Variants in DBN1 observed in about 807,000 individuals in gnomAD.
DBN1 encodes the protein drebrin.
Under a neutral mutation model 83.5 loss-of-function variants are expected in DBN1, and 21 were observed. That is an observed-to-expected ratio of 0.25 (90% CI 0.18 to 0.36). The LOEUF (loss-of-function observed/expected upper bound fraction) is 0.36, where lower values mean the gene tolerates loss of function less well. Among genes scored for constraint, DBN1 ranks in the 10% least tolerant of loss-of-function variants. The pLI, the probability that DBN1 is intolerant of heterozygous loss-of-function variation, is 1.00. For missense variants in DBN1, 874 were observed against 935.7 expected, an observed-to-expected ratio of 0.93 and a Z score of 0.86; for synonymous variants, 381 against 384.9, an observed-to-expected ratio of 0.99 and a Z score of 0.12.
chr5:177,468,916 G>C lies in DBN1; in HGVS notation c.87-17C>G. 1.5e-6 allele frequency: 2 copies of C among 1,312,914 alleles called. No individual in the cohort carries two copies. Among genetic ancestry groups the C allele is most frequent in the South Asian group, 6.3e-5 (2 of 31,600 alleles). 81.3% of individuals were successfully genotyped at this position (1,312,914 alleles called of 1,614,324 possible). A position where few individuals can be genotyped will look rare whatever the true frequency, so the allele number is the denominator to read the frequency against. Reference sequence around the variant, plus strand: ...TACAGAGCCCTGGGGAGAGGGAGGGGTGGCTGTCAAACTGTCAGGGCCCAG... The same window carrying C: ...TACAGAGCCCTGGGGAGAGGGAGGGCTGGCTGTCAAACTGTCAGGGCCCAG... On this transcript the variant is annotated splice_polypyrimidine_tract_variant and intron_variant, in intron 1 of 14. Transcript: ENST00000393565.
rs1446932673 is a variant in DBN1 at position 177,466,393 on chromosome 5, T to C, written c.771+379A>G. On this transcript the variant is annotated intron_variant, in intron 8 of 14. Coordinates refer to ENST00000393565, the MANE Select transcript of DBN1 (RefSeq NM_001363541.2). This position sits in a 1 kb window ranked among gnomAD's most constrained non-coding sequence, Gnocchi z 4.8. ...GGAGATGGTACACACTGCCTGCAGA[T>C]GCTCAGCACTGGCCCAGGCTCACCC... Among the ~76,000 whole-genome samples the C allele has an allele frequency of 6.6e-6, 1 of 152,190 alleles. No individual in the cohort carries two copies. The highest frequency in any genetic ancestry group is 1.5e-5 in the Non-Finnish European group (1 of 68,022).
chr5:177,457,454 C>T lies in DBN1; in HGVS notation c.2067G>A (p.Glu689=). The T allele has an allele frequency of 6.2e-7, 1 of 1,614,100 alleles. No homozygotes were observed. Among genetic ancestry groups the T allele is most frequent in the South Asian group, 1.1e-5 (1 of 91,078 alleles). The change falls in exon 15 of 15, where the codon GAG becomes GAA. Residue 689 remains glutamate, a synonymous_variant. Coordinates refer to ENST00000393565, the MANE Select transcript of DBN1 (RefSeq NM_001363541.2). ...ACCGCTAATCACCACCCTCGAAGCC[C>T]TCCTCCTCTTCTGGAACTGGGTCTG... ...WDADPVPEEE[E]GFEGGD
chr5:177,457,527 A>C, intron 14 of DBN1, 24 bp from the exon 15 acceptor site: 1 of 1,610,988 alleles, frequency 6.2e-7, no homozygotes, highest in South Asian at 1.1e-5. Context: ...AAGGGAGAGG[A>C]GTTAGGGACC....
chr5:177,458,348 G>A lies in DBN1; in HGVS notation c.1624C>T (p.Pro542Ser). Residue 542 changes from proline to serine, a missense_variant, in exon 13 of 15, where the codon CCC becomes TCC. Physicochemically the swap from Pro to Ser is moderately conservative, Grantham distance 74. This residue lies in a region of DBN1 where 725 missense variants were observed against 719.7 expected (regional missense o/e 1.01). Transcript: ENST00000393565. Reference sequence around the variant, plus strand: ...ACCTCAGTACCCGAGGGTGGCGTGGGGGCCCTGGGCTCACCCTGGAGTGTG... The same window carrying A: ...ACCTCAGTACCCGAGGGTGGCGTGGAGGCCCTGGGCTCACCCTGGAGTGTG... Reference protein sequence around the residue: ...ASTLQGEPRAPTPPSGTEVTL... With the variant: ...ASTLQGEPRASTPPSGTEVTL... The A allele has an allele frequency of 1.2e-6, 2 of 1,613,202 alleles. No homozygotes were observed. Among genetic ancestry groups the A allele is most frequent in the Non-Finnish European group, 1.7e-6 (2 of 1,179,296 alleles).
chr5:177,461,684 G>A (rs562543617), intron 8 of DBN1, among the ~76,000 whole-genome samples: 3 of 152,218 alleles, frequency 2.0e-5, no homozygotes, highest in African/African-American at 7.2e-5. Context: ...TGCTCCCAAT[G>A]TTGCTGCCTG....
intron 8 of DBN1, among the ~76,000 whole-genome samples, chr5:177,465,627 G>A (rs567855995): frequency 3.3e-5 from 5 of 152,162 alleles, no homozygotes; most frequent in East Asian, 1.9e-4. Context: ...AGGCCGAGGC[G>A]GGCAGATCAA....
intron 8 of DBN1, among the ~76,000 whole-genome samples, chr5:177,464,714 T>C (rs931935195): frequency 6.7e-6 from 1 of 150,240 alleles, no homozygotes; most frequent in Non-Finnish European, 1.5e-5. Context: ...GGCCGGCGGG[T>C]GGATCACCTG....
Position 177,458,441 on chromosome 5 carries a change from C to A in DBN1, c.1531G>T (p.Ala511Ser). 6.2e-7 allele frequency: 1 copy of A among 1,614,170 alleles called. No individual in the cohort carries two copies. Among genetic ancestry groups the A allele is most frequent in the East Asian group, 2.2e-5 (1 of 44,886 alleles). ...GTGGCGGCGGGGGGTACGTTGTTGG[C>A]AACAGTGGTGTCAGCAGTGGCAGTG... ...TDTATADTTV[A>S]NNVPPAATSL... The change falls in exon 13 of 15, where the codon GCC (alanine) becomes TCC (serine). Residue 511 changes from alanine to serine, a missense_variant. Physicochemically the swap from Ala to Ser is moderately conservative, Grantham distance 99. Coordinates refer to ENST00000393565, the MANE Select transcript of DBN1 (RefSeq NM_001363541.2).
At chr5:177,459,529 G>T in intron 11 of DBN1, 74 bp downstream of exon 11, 3 of 1,413,884 alleles carry the variant, frequency 2.1e-6, no homozygotes, top group Non-Finnish European at 2.8e-6. Flanking sequence ...CAGACTGGGG[G>T]AGTGAGGGCG....
chr5:177,469,962 A>G (rs1757727109), intron 1 of DBN1, among the ~76,000 whole-genome samples: 1 of 152,194 alleles, frequency 6.6e-6, no homozygotes, highest in African/African-American at 2.4e-5. Flanking sequence ...GAGAAGAGAA[A>G]GAGGAGGGGA....
intron 1 of DBN1, among the ~76,000 whole-genome samples, chr5:177,471,594 C>T (rs1285450912): frequency 1.3e-5 from 2 of 152,194 alleles, no homozygotes; most frequent in Non-Finnish European, 2.9e-5. Context: ...ATGCTGGGCC[C>T]TGGGGTATTC....
At chr5:177,462,295 T>A in intron 8 of DBN1, 1 of 985,498 alleles carries the variant, frequency 1.0e-6, no homozygotes, top group South Asian at 4.7e-5. Context: ...GCACACCCGT[T>A]CCCACCTCCA....
chr5:177,468,186 C>T lies in DBN1; in HGVS notation c.177G>A (p.Glu59=). Residue 59 remains glutamate, a synonymous_variant, in exon 3 of 15, where the codon GAG becomes GAA. Coordinates refer to ENST00000393565, the MANE Select transcript of DBN1 (RefSeq NM_001363541.2). ...AGAAGCCGTACATCACCTTCTGGTT[C>T]TCAAAGTGTCCCGAAAGCTCCTGCA... is the stretch of plus-strand genomic sequence containing the variant. The part of the protein sequence containing the change: ...GGLQELSGHF[E]NQKVMYGFCS... 1 of 1,614,216 alleles carries T rather than the reference C, an allele frequency of 6.2e-7. No homozygotes were observed.
At position 177,459,188 on chromosome 5, in the gene DBN1, T is replaced by C; in HGVS notation, c.1174A>G (p.Thr392Ala). The change falls in exon 12 of 15, where the codon ACC (threonine) becomes GCC (alanine). Residue 392 changes from threonine to alanine, a missense_variant. By Grantham distance (58) the Thr-to-Ala change is moderately conservative. This residue lies in a region of DBN1 where 725 missense variants were observed against 719.7 expected (regional missense o/e 1.01). Coordinates refer to ENST00000393565, the MANE Select transcript of DBN1 (RefSeq NM_001363541.2). ...CGCTCTATCTGCTCAGCGACAGGGG[T>C]GGAGGCGGTGCTGGAGTCAGACGGG... The part of the protein sequence containing the change: ...RSPSDSSTAS[T>A]PVAEQIERAL... The C allele has an allele frequency of 6.2e-7, 1 of 1,610,962 alleles. No homozygotes were observed. The highest frequency in any genetic ancestry group is 1.1e-5 in the South Asian group (1 of 90,880).
intron 11 of DBN1, 146 bp downstream of exon 11, chr5:177,459,457 T>C: frequency 7.6e-7 from 1 of 1,320,182 alleles, no homozygotes; most frequent in Non-Finnish European, 1.0e-6. Flanking sequence ...CAGTGCCCCA[T>C]AAGGCCAGGG....
chr5:177,463,014 GA>G (rs1185075434), intron 8 of DBN1, among the ~76,000 whole-genome samples: 1 of 151,842 alleles, frequency 6.6e-6, no homozygotes, highest in Admixed American at 6.6e-5. Flanking sequence ...CTTGTTCAAA[GA>G]AAGGACCAGA....
At chr5:177,459,064 G>A in intron 12 of DBN1, 34 bp downstream of exon 12, 13 of 1,570,714 alleles carry the variant, frequency 8.3e-6, no homozygotes, top group Admixed American at 1.9e-5. Context: ...GACTGATGAT[G>A]GGAGGCCTGG....
At chr5:177,460,792 G>T in intron 8 of DBN1, 89 bp from the exon 9 acceptor site, 11 of 1,387,582 alleles carry the variant, frequency 7.9e-6, no homozygotes, top group Non-Finnish European at 1.1e-5. Flanking sequence ...TATTGATTTT[G>T]TTTTTAAGAC....
chr5:177,457,983 T>G (rs1474108787), intron 13 of DBN1, 75 bp downstream of exon 13: 9 of 1,586,918 alleles, frequency 5.7e-6, no homozygotes, highest in Admixed American at 1.7e-5. Flanking sequence ...GGTGCAAGCA[T>G]GAGGAATGCA....
Sources: gnomAD v4.1 joint callset for allele counts (sites outside exome capture counted in the v4.1 genomes callset) on GRCh38, gnomAD v4.1.1 for gene constraint, gnomAD v4.1.1 regional missense constraint, Gnocchi (gnomAD v3.1) non-coding constraint, MANE v1.5 for transcripts, NCBI Gene and HGNC (gene_info 2026-07-23, HGNC 2026-07-21) for gene names.